MAGI2: variants seen among roughly 807,000 people sequenced by gnomAD.
MAGI2 encodes the protein membrane-associated guanylate kinase, WW and PDZ domain-containing protein 2.
Under a neutral mutation model 133.3 loss-of-function variants are expected in MAGI2, and 35 were observed. That is an observed-to-expected ratio of 0.26 (90% CI 0.20 to 0.35). The LOEUF is 0.35. MAGI2 is among the 10% of genes least tolerant of loss of function. The pLI, the probability that MAGI2 is intolerant of heterozygous loss-of-function variation, is 1.00. For missense variants in MAGI2, 1,636 were observed against 1,863.4 expected, an observed-to-expected ratio of 0.88 and a Z score of 2.25; for synonymous variants, 729 against 710.6, an observed-to-expected ratio of 1.03 and a Z score of -0.41.
chr7:78,949,290 A>T (rs1801682445), intron 2 of MAGI2, among the ~76,000 whole-genome samples: 2 of 152,158 alleles, frequency 1.3e-5, no homozygotes, highest in South Asian at 4.1e-4. Flanking sequence ...TATGCTTATT[A>T]TTGCTTGCTG....
At chr7:79,352,338 A>C (rs1374068557) in intron 1 of MAGI2, among the ~76,000 whole-genome samples, 1 of 152,214 alleles carries the variant, frequency 6.6e-6, no homozygotes. Flanking sequence ...TGGTCAACCA[A>C]GCAGAGACCA....
intron 6 of MAGI2, among the ~76,000 whole-genome samples, chr7:78,429,473 G>A (rs1362044603): frequency 6.6e-6 from 1 of 151,918 alleles, no homozygotes; most frequent in African/African-American, 2.4e-5. Flanking sequence ...AATGGATTTC[G>A]TTCTTTGTTT....
intron 1 of MAGI2, among the ~76,000 whole-genome samples, chr7:79,421,939 G>A (rs967472057): frequency 2.0e-5 from 3 of 151,974 alleles, no homozygotes; most frequent in Non-Finnish European, 4.4e-5. Context: ...CTGAACTCAT[G>A]CAGCTTTCAC....
At chr7:78,627,975 G>C (rs1019785742) in intron 2 of MAGI2, among the ~76,000 whole-genome samples, 11 of 152,084 alleles carry the variant, frequency 7.2e-5, no homozygotes, top group African/African-American at 2.2e-4. Context: ...TCCCAACCAA[G>C]GGTTACTGCA....
chr7:79,151,856 C>T (rs192929087), intron 1 of MAGI2, among the ~76,000 whole-genome samples: 12 of 151,704 alleles, frequency 7.9e-5, no homozygotes, highest in African/African-American at 1.4e-4. Context: ...AAGACACAAA[C>T]TCCCCTTTTA....
chr7:78,518,445 T>A (rs1362837701), intron 4 of MAGI2: 1 of 152,158 alleles, frequency 6.6e-6, no homozygotes, highest in South Asian at 2.1e-4. Context: ...CAGTACCTAG[T>A]TGATGGGACA....
chr7:78,209,022 A>G (rs1258860203), intron 10 of MAGI2, among the ~76,000 whole-genome samples: 1 of 150,136 alleles, frequency 6.7e-6, no homozygotes, highest in Non-Finnish European at 1.5e-5. Flanking sequence ...GGAGATCGAG[A>G]CCATCTGGGC....
chr7:78,327,787 G>T (rs1345553286), intron 9 of MAGI2, among the ~76,000 whole-genome samples: 2 of 152,202 alleles, frequency 1.3e-5, no homozygotes, highest in Non-Finnish European at 2.9e-5. Flanking sequence ...TAAGGGGCTA[G>T]GTGGATTGTA....
chr7:78,054,416 G>A (rs942982533), intron 21 of MAGI2, among the ~76,000 whole-genome samples: 10 of 151,788 alleles, frequency 6.6e-5, no homozygotes, highest in African/African-American at 1.9e-4. Context: ...GAGACACTGC[G>A]CCTGGCCTAA....
At chr7:78,881,570 A>T (rs1212742826) in intron 2 of MAGI2, among the ~76,000 whole-genome samples, 1 of 152,154 alleles carries the variant, frequency 6.6e-6, no homozygotes, top group African/African-American at 2.4e-5. Context: ...TAGAACTTAA[A>T]GTATAATTTT....
intron 9 of MAGI2, among the ~76,000 whole-genome samples, chr7:78,276,877 T>C (rs993436138): frequency 2.6e-5 from 4 of 152,050 alleles, no homozygotes; most frequent in Non-Finnish European, 5.9e-5. Flanking sequence ...AGGAGACTTG[T>C]AAACATTGAG....
chr7:78,575,522 G>A (rs1034353654), intron 3 of MAGI2, among the ~76,000 whole-genome samples: 1 of 152,052 alleles, frequency 6.6e-6, no homozygotes, highest in African/African-American at 2.4e-5. Flanking sequence ...AATGAAAGGG[G>A]GTAGAGTGTG....
At chr7:78,885,021 C>A (rs779548752) in intron 2 of MAGI2, among the ~76,000 whole-genome samples, 2 of 152,118 alleles carry the variant, frequency 1.3e-5, no homozygotes, top group African/African-American at 4.8e-5. Context: ...ATGGATGCAA[C>A]TGGAGGCCAT....
chr7:79,058,788 A>G (rs1813417535), intron 1 of MAGI2, among the ~76,000 whole-genome samples: 1 of 152,124 alleles, frequency 6.6e-6, no homozygotes, highest in African/African-American at 2.4e-5. Flanking sequence ...ATTGCAGTGG[A>G]CCATTAGGGT....
chr7:78,693,671 T>C (rs1817203960), intron 2 of MAGI2, among the ~76,000 whole-genome samples: 1 of 152,162 alleles, frequency 6.6e-6, no homozygotes, highest in Non-Finnish European at 1.5e-5. Context: ...CTTTGGATTG[T>C]TTCCCCAAAT....
intron 2 of MAGI2, among the ~76,000 whole-genome samples, chr7:78,650,722 T>G (rs947298807): frequency 6.6e-6 from 1 of 152,186 alleles, no homozygotes; most frequent in Admixed American, 6.6e-5. Context: ...TTGTCCTCCC[T>G]TCACTAAGTA....
intron 1 of MAGI2, among the ~76,000 whole-genome samples, chr7:79,248,038 T>C (rs894643044): frequency 6.6e-6 from 1 of 152,088 alleles, no homozygotes; most frequent in African/African-American, 2.4e-5. Context: ...ACATTGAATG[T>C]AAATGAACTC....
chr7:79,172,680 T>C (rs1308539789), intron 1 of MAGI2, among the ~76,000 whole-genome samples: 1 of 152,082 alleles, frequency 6.6e-6, no homozygotes, highest in East Asian at 1.9e-4. Flanking sequence ...TATTAAAGAA[T>C]ATATACCTGT....
chr7:78,539,779 C>T (rs1031577056), intron 3 of MAGI2, among the ~76,000 whole-genome samples: 6 of 152,154 alleles, frequency 3.9e-5, no homozygotes, highest in Admixed American at 3.9e-4. Context: ...ATACCAACAC[C>T]TGCTCTGGCA....
Sources: gnomAD v4.1 joint callset for allele counts (sites outside exome capture counted in the v4.1 genomes callset) on GRCh38, gnomAD v4.1.1 for gene constraint, MANE v1.5 for transcripts, NCBI Gene and HGNC (gene_info 2026-07-23, HGNC 2026-07-21) for gene names.